Variants in XYLB observed in about 807,000 individuals in gnomAD.
The protein encoded by XYLB is xylulose kinase.
XYLB carries 62 observed loss-of-function variants against 78.7 expected under a neutral mutation model. The ratio of observed to expected loss-of-function variants is 0.79; its 90% CI spans 0.64 to 0.97. XYLB has a LOEUF of 0.97. Among genes scored for constraint, XYLB ranks in the 50% least tolerant of loss-of-function variants. The probability of loss-of-function intolerance (pLI) is 0.00; values close to 1 mark genes in which losing one functional copy is unlikely to be tolerated. For synonymous variants in XYLB, 245 were observed against 247.4 expected, an observed-to-expected ratio of 0.99 and a Z score of 0.09; for missense variants, 687 against 676.8, an observed-to-expected ratio of 1.02 and a Z score of -0.17.
In XYLB at chr3:38,365,271, C is replaced by T. The variant is rs753739340; in HGVS notation, c.364C>T (p.His122Tyr). The part of the protein sequence containing the change: ...LTSLSPDLRL[H>Y]QQLQDCFSIS... ...AAGCTTATCACCAGACCTCCGGCTA[C>T]ACCAGCAGCTGCAGGTAACTGTGGC... The change falls in exon 5 of 19, where the codon CAC (histidine) becomes TAC (tyrosine). Residue 122 changes from histidine to tyrosine, a missense_variant. Physicochemically the swap from His to Tyr is moderately conservative, Grantham distance 83. Transcript: ENST00000207870. The T allele has an allele frequency of 8.7e-6, 14 of 1,614,110 alleles. No homozygotes were observed. The highest frequency in any genetic ancestry group is 2.2e-5 in the South Asian group (2 of 91,092).
downstream of XYLB, among the ~76,000 whole-genome samples, chr3:38,419,578 TTATATATA>T (rs67869604): frequency 2.6e-4 from 18 of 68,284 alleles, 1 homozygote; most frequent in African/African-American, 7.9e-4. Context: ...TTATTTTTCT[TTATATATA>T]TATATATATA....
rs1705472045 is a variant in XYLB at position 38,353,389 on chromosome 3, T to A, written c.140+4757T>A. Among the ~76,000 whole-genome samples, 3 of 152,176 alleles carry A rather than the reference T, an allele frequency of 2.0e-5. No individual in the cohort carries two copies. In the South Asian group the frequency reaches 6.2e-4, roughly 31 times the overall value. On this transcript the variant is annotated intron_variant, in intron 2 of 18. Coordinates refer to ENST00000207870, the MANE Select transcript of XYLB (RefSeq NM_005108.4). Reference sequence around the variant, plus strand: ...TGGTGTGATTCAGCTCACTGCTATCTATGCCTCCCGGGCTCAAGCAATCCT... The same window carrying A: ...TGGTGTGATTCAGCTCACTGCTATCAATGCCTCCCGGGCTCAAGCAATCCT...
intron 1 of XYLB, among the ~76,000 whole-genome samples, chr3:38,347,328 G>A (rs1705123062): frequency 6.6e-6 from 1 of 152,238 alleles, no homozygotes; most frequent in Admixed American, 6.5e-5. Context: ...GGGTAGCCCT[G>A]CGCACATGCA....
At chr3:38,351,261 G>C (rs148849288) in intron 2 of XYLB, among the ~76,000 whole-genome samples, 1 of 145,260 alleles carries the variant, frequency 6.9e-6, no homozygotes, top group Non-Finnish European at 1.5e-5. Flanking sequence ...TTGATTTCTA[G>C]TTTAATTTCA....
chr3:38,358,148 T>A (rs1237624586), intron 2 of XYLB, among the ~76,000 whole-genome samples: 1 of 134,664 alleles, frequency 7.4e-6, no homozygotes, highest in Non-Finnish European at 1.6e-5. Context: ...TTGGAAAAAT[T>A]TTCCTTCTTT....
In XYLB at chr3:38,413,033, C is replaced by T; in HGVS notation, c.*20C>T. 3 of 1,576,400 alleles carry T rather than the reference C, an allele frequency of 1.9e-6. No individual in the cohort carries two copies. The highest frequency in any genetic ancestry group is 2.6e-6 in the Non-Finnish European group (3 of 1,167,930). On this transcript the variant is annotated 3_prime_UTR_variant, in exon 19 of 19. Coordinates refer to ENST00000207870, the MANE Select transcript of XYLB (RefSeq NM_005108.4). The stretch of plus-strand genomic sequence containing the variant: ...GAGTGAACAGGCATCCCTGTTGCCC[C>T]TGCCTGCCCAGATTTACTGACCCCA...
Position 38,365,487 on chromosome 3 carries a change from C to T in XYLB, c.379-121C>T. On this transcript the variant is annotated intron_variant, in intron 5 of 18. Coordinates refer to ENST00000207870, the MANE Select transcript of XYLB (RefSeq NM_005108.4). ...AAAGGGCTGGCCCATGTGTCTCCAA[C>T]CAAGGTCACCTGGGAAGAAGCGTCA... 9.9e-6 allele frequency: 15 copies of T among 1,509,690 alleles called. No homozygotes were observed. In the South Asian group the frequency reaches 1.4e-4, roughly 14 times the overall value. 93.5% of individuals were successfully genotyped at this position (1,509,690 alleles called of 1,614,324 possible). A position where few individuals can be genotyped will look rare whatever the true frequency, so the allele number is the denominator to read the frequency against.
rs540696865 is a variant in XYLB, at chr3:38,346,802, C to G, written c.-67C>G. Reference sequence around the variant, plus strand: ...GCCCCTGCGTCTCTGGGCGCTGGAGCGCGGCGACTATCACGCCGCGTGGCG... The same window carrying G: ...GCCCCTGCGTCTCTGGGCGCTGGAGGGCGGCGACTATCACGCCGCGTGGCG... On this transcript the variant is annotated 5_prime_UTR_variant, in exon 1 of 19. Coordinates refer to ENST00000207870, the MANE Select transcript of XYLB (RefSeq NM_005108.4). 1 of 1,428,590 alleles carries G rather than the reference C, an allele frequency of 7.0e-7. No individual in the cohort carries two copies. The highest frequency in any genetic ancestry group is 9.2e-7 in the Non-Finnish European group (1 of 1,082,708). The allele number at this position is 1,428,590 out of a possible 1,614,324, so 88.5% of individuals were successfully genotyped here.
chr3:38,427,343 A>G, the XYLB span, among the ~76,000 whole-genome samples: 1 of 152,154 alleles, frequency 6.6e-6, no homozygotes, highest in African/African-American at 2.4e-5. Context: ...CCTGGCCACA[A>G]TCTTCCATTT....
At chr3:38,431,186 G>T in the XYLB span, among the ~76,000 whole-genome samples, 6 of 152,180 alleles carry the variant, frequency 3.9e-5, no homozygotes, top group Admixed American at 2.6e-4. Context: ...CTATCCACGA[G>T]CATGGAATGT....
the XYLB span, among the ~76,000 whole-genome samples, chr3:38,427,395 C>T: frequency 6.6e-6 from 1 of 152,138 alleles, no homozygotes; most frequent in Non-Finnish European, 1.5e-5. Flanking sequence ...TTAAATATTC[C>T]TTTATTATCC....
chr3:38,435,220 A>G, the XYLB span, among the ~76,000 whole-genome samples: 1 of 152,184 alleles, frequency 6.6e-6, no homozygotes, highest in Non-Finnish European at 1.5e-5. Flanking sequence ...CATAGACTGA[A>G]AGTAAAGAAA....
At chr3:38,428,655 G>A in the XYLB span, among the ~76,000 whole-genome samples, 3 of 152,192 alleles carry the variant, frequency 2.0e-5, no homozygotes, top group Admixed American at 1.3e-4. Flanking sequence ...ATTAGTATTT[G>A]CATGTTATAT....
chr3:38,367,962 C>A (rs1706350532), intron 7 of XYLB, among the ~76,000 whole-genome samples: 1 of 152,148 alleles, frequency 6.6e-6, no homozygotes. Context: ...AGTTTTATGG[C>A]CCATCAGAAA....
At chr3:38,436,572 G>T in the XYLB span, among the ~76,000 whole-genome samples, 1 of 152,090 alleles carries the variant, frequency 6.6e-6, no homozygotes, top group East Asian at 1.9e-4. Flanking sequence ...CATTCTATGA[G>T]GCCAGCATCA....
Position 38,395,491 on chromosome 3 carries a change from C to A in XYLB, c.1292-14C>A, listed in dbSNP as rs772029337. The A allele has an allele frequency of 1.5e-4, 244 of 1,613,912 alleles. No individual in the cohort carries two copies. The highest frequency in any genetic ancestry group is 2.0e-4 in the Non-Finnish European group (234 of 1,179,942). The stretch of plus-strand genomic sequence containing the variant: ...ACTGGCATAGCTATTTTACTTTTTT[C>A]TTTTCCCTTGCAGTGTCCAAGACAA... On this transcript the variant is annotated splice_polypyrimidine_tract_variant and intron_variant, in intron 15 of 18. Coordinates refer to ENST00000207870, the MANE Select transcript of XYLB (RefSeq NM_005108.4).
Position 38,348,619 on chromosome 3 carries a change from C to T in XYLB, c.127C>T (p.Leu43Phe), listed in dbSNP as rs1392003151. 1 of 1,614,054 alleles carries T rather than the reference C, an allele frequency of 6.2e-7. No individual in the cohort carries two copies. The highest frequency in any genetic ancestry group is 2.2e-5 in the East Asian group (1 of 44,896). The part of the protein sequence containing the change: ...YEESVHFDRD[L>F]PEFGTQGGVH... ...GGAAAGTGTGCATTTTGACAGAGAT[C>T]TTCCAGAATTTGGGTATGTACTTGA... Residue 43 changes from leucine to phenylalanine, a missense_variant, in exon 2 of 19, where the codon CTT becomes TTT. Leu to Phe is a conservative substitution (Grantham distance 22). Transcript: ENST00000207870.
At chr3:38,354,571 C>G (rs2125556167) in intron 2 of XYLB, among the ~76,000 whole-genome samples, 1 of 150,450 alleles carries the variant, frequency 6.6e-6, no homozygotes, top group African/African-American at 2.4e-5. Flanking sequence ...GGTGTGTTCT[C>G]TGCTCACTGC....
At chr3:38,372,601 G>A in intron 9 of XYLB, 54 bp from the exon 10 acceptor site, 1 of 1,613,102 alleles carries the variant, frequency 6.2e-7, no homozygotes, top group South Asian at 1.1e-5. Context: ...TGGCTGTGCT[G>A]GGCAGGCGGG....
Sources: allele counts gnomAD v4.1 joint callset (sites outside exome capture counted in the v4.1 genomes callset), GRCh38; gene constraint gnomAD v4.1.1; transcripts MANE v1.5; gene names NCBI Gene and HGNC (gene_info 2026-07-23, HGNC 2026-07-21).